The following ADGRB3 variants were observed in gnomAD, a reference collection of about 807,000 sequenced individuals.
ADGRB3 encodes the protein adhesion G protein-coupled receptor B3.
A neutral mutation model predicts 193.4 loss-of-function variants in ADGRB3; 37 were observed. The observed-to-expected ratio is 0.19, with a 90% CI of 0.15 to 0.25. The LOEUF is 0.25. Among genes scored for constraint, ADGRB3 ranks in the 10% least tolerant of loss-of-function variants. ADGRB3 has a pLI of 1.00. For synonymous variants in ADGRB3, 690 were observed against 644.2 expected (o/e 1.07, Z -1.08); for missense variants, 1,637 against 1,852.9 (o/e 0.88, Z 2.14).
At chr6:69,121,878 C>T (rs9354819) in intron 17 of ADGRB3, among the ~76,000 whole-genome samples, 92,127 of 146,832 alleles carry the variant, frequency 0.63, 29,819 homozygotes, top group East Asian at 0.95. Flanking sequence ...CAGGCAGAGG[C>T]GCTCCTCACT....
intron 6 of ADGRB3, among the ~76,000 whole-genome samples, chr6:68,951,386 C>G (rs1003277302): frequency 6.6e-6 from 1 of 152,082 alleles, no homozygotes; most frequent in East Asian, 1.9e-4. Context: ...CCTATCACAT[C>G]GCCCTCTTTA....
intron 17 of ADGRB3, among the ~76,000 whole-genome samples, chr6:69,218,502 C>T (rs1038037815): frequency 6.6e-6 from 1 of 152,066 alleles, no homozygotes; most frequent in Non-Finnish European, 1.5e-5. Context: ...GAAAGAAAAC[C>T]TAATTATTAG....
rs1192427623 is a variant in ADGRB3 at position 68,936,660 on chromosome 6, A to G, written c.1010A>G (p.Asn337Ser). ...CCATTAAGAGAATCAAGGGTTTGCAATAACACTGCCCTCTGTCCAGGTAGT... is the reference window on the plus strand; with the variant it reads ...CCATTAAGAGAATCAAGGGTTTGCAGTAACACTGCCCTCTGTCCAGGTAGT... ...SGPLRESRVC[N>S]NTALCPVHGV... The change falls in exon 5 of 32, where the codon AAT becomes AGT. Residue 337 changes from asparagine to serine, a missense_variant. Coordinates refer to ENST00000370598, the MANE Select transcript of ADGRB3 (RefSeq NM_001704.3). 6.2e-6 allele frequency: 10 copies of G among 1,613,412 alleles called. No homozygotes were observed. The highest frequency in any genetic ancestry group is 1.7e-5 in the Admixed American group (1 of 59,940).
rs148413442 is a variant in ADGRB3, at chr6:69,284,792, C to T, written c.2815-40080C>T. On this transcript the variant is annotated intron_variant, in intron 20 of 31. Coordinates refer to ENST00000370598, the MANE Select transcript of ADGRB3 (RefSeq NM_001704.3). ...AATTTGTTTTGTTCTCCAGTTTAATCCTCTTTATTAAAAACTTTGAGGGAA... is the reference window on the plus strand; with the variant it reads ...AATTTGTTTTGTTCTCCAGTTTAATTCTCTTTATTAAAAACTTTGAGGGAA... 2.4e-3 allele frequency among the ~76,000 whole-genome samples: 360 copies of T among 152,020 alleles called. 1 individual carries two copies. Among genetic ancestry groups the T allele is most frequent in the Non-Finnish European group, 3.6e-3 (248 of 67,978 alleles).
At chr6:68,775,145 TAAA>T (rs746086066) in intron 3 of ADGRB3, among the ~76,000 whole-genome samples, 5 of 115,654 alleles carry the variant, frequency 4.3e-5, no homozygotes, top group Middle Eastern at 5.4e-3. Context: ...AGCTGCTTGT[TAAA>T]AAAAAAAAAA....
At chr6:69,199,730 T>C (rs1765379891) in intron 17 of ADGRB3, among the ~76,000 whole-genome samples, 1 of 152,096 alleles carries the variant, frequency 6.6e-6, no homozygotes, top group Non-Finnish European at 1.5e-5. Context: ...TATAGAAAGA[T>C]CTTGAGGTTT....
At chr6:68,772,436 C>T (rs530062915) in intron 3 of ADGRB3, among the ~76,000 whole-genome samples, 1 of 151,968 alleles carries the variant, frequency 6.6e-6, no homozygotes, top group Non-Finnish European at 1.5e-5. Context: ...CCTGAAACTG[C>T]GGATTGGGTT....
At chr6:69,234,129 C>T (rs1766211302) in intron 18 of ADGRB3, among the ~76,000 whole-genome samples, 1 of 152,264 alleles carries the variant, frequency 6.6e-6, no homozygotes, top group South Asian at 2.1e-4. Flanking sequence ...ATAAGCATCA[C>T]TCTTCTTACT....
At chr6:68,847,754 G>T (rs957106418) in intron 3 of ADGRB3, among the ~76,000 whole-genome samples, 5 of 152,080 alleles carry the variant, frequency 3.3e-5, no homozygotes, top group Admixed American at 6.6e-5. Context: ...AAAGAATAAA[G>T]TTATGTTGTT....
At chr6:68,923,531 A>G (rs1767102590) in intron 3 of ADGRB3, among the ~76,000 whole-genome samples, 1 of 152,106 alleles carries the variant, frequency 6.6e-6, no homozygotes, top group Non-Finnish European at 1.5e-5. Context: ...CTAATAATAT[A>G]TTAATAATGT....
intron 17 of ADGRB3, among the ~76,000 whole-genome samples, chr6:69,099,049 G>GGTTCATACTGAGGGT (rs1318292288): frequency 1.3e-5 from 2 of 152,154 alleles, no homozygotes; most frequent in Non-Finnish European, 2.9e-5. Flanking sequence ...TCCTTCCAGT[G>GGTTCATACTGAGGGT]GTTCATACTG....
intron 19 of ADGRB3, among the ~76,000 whole-genome samples, 199 bp from the exon 20 acceptor site, chr6:69,238,925 A>T (rs1384190491): frequency 6.6e-6 from 1 of 152,044 alleles, no homozygotes; most frequent in Non-Finnish European, 1.5e-5. Context: ...GGACGCTTGC[A>T]CATGCCATAC....
intron 3 of ADGRB3, among the ~76,000 whole-genome samples, chr6:68,658,303 T>G (rs528487752): frequency 1.3e-5 from 2 of 151,400 alleles, no homozygotes; most frequent in East Asian, 3.9e-4. Context: ...ACAATATTAG[T>G]TAAAAACTCA....
intron 17 of ADGRB3, among the ~76,000 whole-genome samples, chr6:69,155,069 G>T (rs1028234606): frequency 9.9e-5 from 15 of 152,148 alleles, no homozygotes; most frequent in African/African-American, 3.6e-4. Context: ...AGTCTTAATA[G>T]ACTTTACAAG....
chr6:69,046,753 G>A (rs985525608), intron 13 of ADGRB3, among the ~76,000 whole-genome samples: 1 of 152,188 alleles, frequency 6.6e-6, no homozygotes, highest in African/African-American at 2.4e-5. Context: ...AAACTAAGTA[G>A]TGCAGTAATA....
At chr6:69,295,741 C>T (rs1476796861) in intron 20 of ADGRB3, among the ~76,000 whole-genome samples, 1 of 152,162 alleles carries the variant, frequency 6.6e-6, no homozygotes, top group Non-Finnish European at 1.5e-5. Flanking sequence ...CAGTAGTCTA[C>T]CTTTACTTTT....
rs532998739 is a variant in ADGRB3, at chr6:69,155,889, G to A, written c.2481-77401G>A. On this transcript the variant is annotated intron_variant, in intron 17 of 31. Transcript: ENST00000370598. ...TTGAGTACTAATATATTTTTTAAAA[G>A]GCGAACAAAAATTAGCCATTTTCAC... Among the ~76,000 whole-genome samples the A allele has an allele frequency of 3.3e-5, 5 of 152,132 alleles. No homozygotes were observed. In the East Asian group the frequency reaches 5.8e-4, roughly 18 times the overall value.
At chr6:69,358,054 C>T (rs1054969591) in intron 28 of ADGRB3, among the ~76,000 whole-genome samples, 4 of 151,804 alleles carry the variant, frequency 2.6e-5, no homozygotes, top group Non-Finnish European at 5.9e-5. Context: ...TAATCTTCCA[C>T]CTTCAGTGTT....
At chr6:68,708,949 A>G (rs1249967480) in intron 3 of ADGRB3, among the ~76,000 whole-genome samples, 1 of 152,154 alleles carries the variant, frequency 6.6e-6, no homozygotes, top group Non-Finnish European at 1.5e-5. Context: ...AAATCATTAT[A>G]TCTCACTAGG....
Sources: gnomAD v4.1 joint callset for allele counts (sites outside exome capture counted in the v4.1 genomes callset) on GRCh38, gnomAD v4.1.1 for gene constraint, MANE v1.5 for transcripts, NCBI Gene and HGNC (gene_info 2026-07-23, HGNC 2026-07-21) for gene names.